Variants in ALAS1 observed in about 807,000 individuals in gnomAD.
ALAS1 encodes the protein 5-aminolevulinate synthase, non-specific, mitochondrial.
A neutral mutation model predicts 59.6 loss-of-function variants in ALAS1; 29 were observed. The observed-to-expected ratio is 0.49, with a 90% CI of 0.36 to 0.66. ALAS1 has a LOEUF of 0.66. Among genes scored for constraint, ALAS1 ranks in the 30% least tolerant of loss-of-function variants. The probability of loss-of-function intolerance (pLI) is 0.00; values close to 1 mark genes in which losing one functional copy is unlikely to be tolerated. For missense variants in ALAS1, 690 were observed against 807.5 expected, an observed-to-expected ratio of 0.85 and a Z score of 1.76; for synonymous variants, 299 against 296.6, an observed-to-expected ratio of 1.01 and a Z score of -0.08.
At chr3:52,211,174 A>T in intron 9 of ALAS1, 109 bp from the exon 10 acceptor site, 2 of 1,284,334 alleles carry the variant, frequency 1.6e-6, no homozygotes, top group African/African-American at 1.5e-5. Context: ...GGAACAAATT[A>T]AAAAGATAAG....
Position 52,206,525 on chromosome 3 carries a change from T to G in ALAS1, c.986-47T>G, listed in dbSNP as rs1003926104. On this transcript the variant is annotated intron_variant, in intron 7 of 11. Coordinates refer to ENST00000484952, the MANE Select transcript of ALAS1 (RefSeq NM_000688.6). ...TCTGTTGTCTTTCTCTAGGAAATAATTTGTCTTCGATGCACATGGCAATAA... is the reference window on the plus strand; with the variant it reads ...TCTGTTGTCTTTCTCTAGGAAATAAGTTGTCTTCGATGCACATGGCAATAA... The G allele has an allele frequency of 8.3e-6, 13 of 1,572,274 alleles. No individual in the cohort carries two copies. In the African/African-American group the frequency reaches 1.6e-4, roughly 20 times the overall value.
intron 1 of ALAS1, 56 bp from the exon 2 acceptor site, chr3:52,198,616 G>A (rs1699119557): frequency 4.9e-6 from 3 of 610,168 alleles, no homozygotes; most frequent in African/African-American, 1.8e-5. Flanking sequence ...TCCCCAGTGA[G>A]GCCCAAGGCG....
intron 4 of ALAS1, among the ~76,000 whole-genome samples, chr3:52,203,036 A>G (rs1460163338): frequency 6.6e-6 from 1 of 152,150 alleles, no homozygotes; most frequent in Non-Finnish European, 1.5e-5. Flanking sequence ...CTTTCCCATC[A>G]TCTGCTAGGA....
chr3:52,198,104 G>T (rs999571270), upstream of ALAS1: 1 of 398,014 alleles, frequency 2.5e-6, no homozygotes, highest in Non-Finnish European at 4.4e-6. Flanking sequence ...AGCGCCCAAG[G>T]CGCATGCGCA....
At chr3:52,204,128 C>A in intron 5 of ALAS1, 116 bp downstream of exon 5, 1 of 1,107,494 alleles carries the variant, frequency 9.0e-7, no homozygotes. Flanking sequence ...CCTGTAATCC[C>A]AGCACTTTGG....
At chr3:52,199,818 A>G (rs911621363) in intron 3 of ALAS1, among the ~76,000 whole-genome samples, 1 of 151,978 alleles carries the variant, frequency 6.6e-6, no homozygotes, top group African/African-American at 2.4e-5. Flanking sequence ...TCGGCTTTTT[A>G]TTTATTTAAT....
upstream of ALAS1, chr3:52,198,131 T>G (rs1397163797): frequency 2.5e-6 from 1 of 398,036 alleles, no homozygotes; most frequent in African/African-American, 2.1e-5. Context: ...ACTCCCGCTG[T>G]ATATTAAGGC....
chr3:52,211,018 T>C (rs1699392965), intron 9 of ALAS1, among the ~76,000 whole-genome samples: 1 of 152,168 alleles, frequency 6.6e-6, no homozygotes, highest in Non-Finnish European at 1.5e-5. Flanking sequence ...GGCAACACCA[T>C]GGTATTTGTG....
chr3:52,208,037 C>G, intron 8 of ALAS1, 46 bp from the exon 9 acceptor site: 1 of 1,471,346 alleles, frequency 6.8e-7, no homozygotes, highest in Non-Finnish European at 9.0e-7. Flanking sequence ...ACAGAAATTT[C>G]TGAAGCGGCA....
Position 52,211,371 on chromosome 3 carries a change from C to T in ALAS1, c.1419C>T (p.Phe473=), listed in dbSNP as rs1295200669. 5 of 1,614,238 alleles carry T rather than the reference C, an allele frequency of 3.1e-6. No individual in the cohort carries two copies. The highest frequency in any genetic ancestry group is 4.5e-5 in the East Asian group (2 of 44,884). The stretch of plus-strand genomic sequence containing the variant: ...GGTCCTATGCTGCTGGCTTCATCTT[C>T]ACCACCTCTCTGCCACCCATGCTGC... ...TVRSYAAGFI[F]TTSLPPMLLA... Residue 473 remains phenylalanine (F), a synonymous_variant, in exon 10 of 12, where the codon TTC becomes TTT. Transcript: ENST00000484952.
At chr3:52,212,183 C>G in intron 10 of ALAS1, 75 bp from the exon 11 acceptor site, 1 of 1,383,268 alleles carries the variant, frequency 7.2e-7, no homozygotes, top group Non-Finnish European at 1.0e-6. Context: ...GTTGTGGGGA[C>G]TGCGTTCGTT....
chr3:52,212,389 C>T lies in ALAS1; in HGVS notation c.1731C>T (p.His577=). The change falls in exon 11 of 12, where the codon CAC becomes CAT. Residue 577 remains histidine (H), a synonymous_variant. Transcript: ENST00000484952. ...TCCTACGGATTGCCCCCACCCCTCA[C>T]CACACACCCCAGATGATGAACTACT... ...EELLRIAPTP[H]HTPQMMNYFL... is the part of the protein sequence containing the mutation. The T allele has an allele frequency of 1.2e-6, 2 of 1,614,078 alleles. No homozygotes were observed. The highest frequency in any genetic ancestry group is 8.5e-7 in the Non-Finnish European group (1 of 1,180,020).
At position 52,211,486 on chromosome 3, in the gene ALAS1, A is replaced by C. The variant is rs1463315572; in HGVS notation, c.1534A>C (p.Arg512=). The C allele has an allele frequency of 7.4e-6, 12 of 1,614,120 alleles. No homozygotes were observed. Among genetic ancestry groups the C allele is most frequent in the Non-Finnish European group, 1.0e-5 (12 of 1,180,042 alleles). Reference sequence around the variant, plus strand: ...GCACCAGCGCAACGTCAAACTCATGAGACAGATGCTAATGGATGCCGGCCT... The same window carrying C: ...GCACCAGCGCAACGTCAAACTCATGCGACAGATGCTAATGGATGCCGGCCT... ...RQHQRNVKLM[R]QMLMDAGLPV... Residue 512 remains arginine (R), a synonymous_variant, in exon 10 of 12, where the codon AGA becomes CGA. Transcript: ENST00000484952.
At chr3:52,203,802 A>C in intron 4 of ALAS1, 61 bp from the exon 5 acceptor site, 1 of 1,512,220 alleles carries the variant, frequency 6.6e-7, no homozygotes, top group Non-Finnish European at 8.9e-7. Flanking sequence ...TATGTTTGGA[A>C]GATATTGTGA....
chr3:52,199,503 C>T (rs1371224520), intron 3 of ALAS1, 63 bp downstream of exon 3: 3 of 1,478,980 alleles, frequency 2.0e-6, no homozygotes, highest in South Asian at 1.2e-5. Flanking sequence ...AGACTAGAAG[C>T]AGTCCCCACA....
intron 11 of ALAS1, among the ~76,000 whole-genome samples, chr3:52,213,819 T>C (rs1699460752): frequency 6.6e-6 from 1 of 152,266 alleles, no homozygotes; most frequent in East Asian, 1.9e-4. Flanking sequence ...CATTTCTTTC[T>C]GTTACCAAAT....
intron 9 of ALAS1, among the ~76,000 whole-genome samples, chr3:52,210,599 G>A (rs1699384749): frequency 6.6e-6 from 1 of 151,974 alleles, no homozygotes; most frequent in Admixed American, 6.6e-5. Context: ...ACGAAGCATG[G>A]CCTCCTCTCT....
intron 9 of ALAS1, among the ~76,000 whole-genome samples, chr3:52,209,798 ACCT>A (rs1299042435): frequency 2.6e-5 from 4 of 151,530 alleles, no homozygotes; most frequent in Non-Finnish European, 5.9e-5. Flanking sequence ...TCCCACCTCA[ACCT>A]CCTGAATAAC....
chr3:52,206,482 A>G (rs1355650828), intron 7 of ALAS1, 90 bp from the exon 8 acceptor site: 4 of 1,431,630 alleles, frequency 2.8e-6, no homozygotes, highest in Non-Finnish European at 3.8e-6. Flanking sequence ...TTTTCAAAGC[A>G]TCATTTCCAA....
Sources: gnomAD v4.1 joint callset for allele counts (sites outside exome capture counted in the v4.1 genomes callset) on GRCh38, gnomAD v4.1.1 for gene constraint, MANE v1.5 for transcripts, NCBI Gene and HGNC (gene_info 2026-07-23, HGNC 2026-07-21) for gene names.